Variants in NRG1 observed in about 807,000 individuals in gnomAD.
NRG1 encodes the protein pro-neuregulin-1, membrane-bound isoform.
In NRG1, 18 loss-of-function variants were observed where a neutral mutation model predicts 63.8. That is an observed-to-expected ratio of 0.28 (90% CI 0.19 to 0.42). The LOEUF (loss-of-function observed/expected upper bound fraction) is 0.42, where lower values mean the gene tolerates loss of function less well. NRG1 is among the 10% of genes least tolerant of loss of function. The pLI is 1.00. For missense variants in NRG1, 762 were observed against 814.7 expected (o/e 0.94, Z 0.79); for synonymous variants, 302 against 301.3 (o/e 1.00, Z -0.02).
At chr8:32,058,900 C>T (rs1273751755) in intron 1 of NRG1, among the ~76,000 whole-genome samples, 1 of 152,038 alleles carries the variant, frequency 6.6e-6, no homozygotes, top group African/African-American at 2.4e-5. Context: ...CTACTTCTGT[C>T]AATCACTCTT....
At chr8:31,647,631 G>A (rs1248329793) in intron 1 of NRG1, among the ~76,000 whole-genome samples, 1 of 152,176 alleles carries the variant, frequency 6.6e-6, no homozygotes, top group Non-Finnish European at 1.5e-5. Context: ...TGGTTGCCAG[G>A]ATGGAGAGGT....
intron 1 of NRG1, among the ~76,000 whole-genome samples, chr8:31,696,903 A>G (rs1810124423): frequency 6.6e-6 from 1 of 152,182 alleles, no homozygotes; most frequent in South Asian, 2.1e-4. Flanking sequence ...AGTCTTATAT[A>G]TGCTACACTT....
chr8:32,536,315 G>T (rs1228684016), intron 1 of NRG1, among the ~76,000 whole-genome samples: 1 of 152,068 alleles, frequency 6.6e-6, no homozygotes, highest in Non-Finnish European at 1.5e-5. Flanking sequence ...GTCAGCCAGG[G>T]GCAGCTCCAA....
chr8:32,190,664 A>T (rs575972726), intron 1 of NRG1, among the ~76,000 whole-genome samples: 1 of 152,308 alleles, frequency 6.6e-6, no homozygotes, highest in East Asian at 1.9e-4. Context: ...AGGCTTCCTG[A>T]TAATCCTTAT....
At chr8:32,655,785 A>T (rs1216700322) in intron 5 of NRG1, among the ~76,000 whole-genome samples, 1 of 152,184 alleles carries the variant, frequency 6.6e-6, no homozygotes, top group Non-Finnish European at 1.5e-5. Flanking sequence ...AGGGAAAGCG[A>T]TAAGGAGTTA....
intron 1 of NRG1, among the ~76,000 whole-genome samples, chr8:32,017,809 C>A (rs959617712): frequency 6.6e-6 from 1 of 152,210 alleles, no homozygotes; most frequent in African/African-American, 2.4e-5. Context: ...GGCTCTCCAG[C>A]AGTTGTCTGA....
chr8:32,072,813 A>G (rs372239946), intron 1 of NRG1, among the ~76,000 whole-genome samples: 11 of 152,290 alleles, frequency 7.2e-5, no homozygotes, highest in African/African-American at 2.6e-4. Context: ...ACTGTTGACA[A>G]TAATGGCACA....
chr8:32,555,853 C>A (rs1489035439), intron 1 of NRG1, among the ~76,000 whole-genome samples: 1 of 152,224 alleles, frequency 6.6e-6, no homozygotes, highest in Non-Finnish European at 1.5e-5. Flanking sequence ...TACTTGTTAT[C>A]TTTGACATGA....
chr8:31,754,022 C>T (rs935862755), intron 1 of NRG1, among the ~76,000 whole-genome samples: 10 of 152,110 alleles, frequency 6.6e-5, no homozygotes, highest in African/African-American at 2.4e-4. Context: ...ATGTTGTTCA[C>T]ATCTGCCTCA....
chr8:31,856,606 C>T (rs1827899655), intron 1 of NRG1, among the ~76,000 whole-genome samples: 2 of 152,332 alleles, frequency 1.3e-5, no homozygotes, highest in East Asian at 3.9e-4. Context: ...GCCTTCTTCT[C>T]TCCGCTCGTC....
intron 1 of NRG1, among the ~76,000 whole-genome samples, chr8:31,930,696 C>G (rs536539782): frequency 1.3e-5 from 2 of 152,098 alleles, no homozygotes; most frequent in African/African-American, 4.8e-5. Flanking sequence ...TGCTATGTAA[C>G]CTTTTATAAT....
At chr8:32,483,055 C>A (rs972768883) in intron 1 of NRG1, among the ~76,000 whole-genome samples, 4 of 152,260 alleles carry the variant, frequency 2.6e-5, no homozygotes, top group African/African-American at 9.6e-5. Context: ...ATGTTACACA[C>A]TCAATTCATG....
At chr8:32,754,349 C>T (rs774692790) in intron 7 of NRG1, 23 bp from the exon 8 acceptor site, 10 of 1,606,600 alleles carry the variant, frequency 6.2e-6, no homozygotes, top group Non-Finnish European at 6.0e-6. Context: ...CCTGTGATGA[C>T]ATCTGCTCTC....
In NRG1 at chr8:32,395,166, A is replaced by C. The variant is rs144246318; in HGVS notation, c.38-200662A>C. Among the ~76,000 whole-genome samples the C allele has an allele frequency of 2.0e-5, 3 of 152,288 alleles. No individual in the cohort carries two copies. In the East Asian group the frequency reaches 5.8e-4, roughly 29 times the overall value. ...AGTACTATGTGGATAATGCAGCCTG[A>C]GTGAGCTTATGAGCTAATGCAGGGA... On this transcript the variant is annotated intron_variant, in intron 1 of 10. Transcript: ENST00000519301.
chr8:32,699,373 G>C (rs1451997636), intron 5 of NRG1, among the ~76,000 whole-genome samples: 1 of 152,158 alleles, frequency 6.6e-6, no homozygotes, highest in African/African-American at 2.4e-5. Context: ...CAGTAAATTA[G>C]AGCAGTTGTC....
intron 1 of NRG1, among the ~76,000 whole-genome samples, chr8:31,857,861 A>G (rs1407426848): frequency 6.6e-6 from 1 of 152,228 alleles, no homozygotes; most frequent in African/African-American, 2.4e-5. Context: ...AATTTGGCCC[A>G]GGAACTAACG....
At chr8:32,040,085 C>T (rs889228667) in intron 1 of NRG1, among the ~76,000 whole-genome samples, 2 of 152,084 alleles carry the variant, frequency 1.3e-5, no homozygotes, top group African/African-American at 4.8e-5. Flanking sequence ...GACTTTATTC[C>T]AGTGCTTACC....
At chr8:31,858,421 A>G (rs1473870889) in intron 1 of NRG1, among the ~76,000 whole-genome samples, 1 of 152,194 alleles carries the variant, frequency 6.6e-6, no homozygotes, top group Non-Finnish European at 1.5e-5. Context: ...ATGAGCTGAG[A>G]GAAAATTAAA....
intron 1 of NRG1, among the ~76,000 whole-genome samples, chr8:32,259,447 C>T (rs1850117354): frequency 6.6e-6 from 1 of 152,172 alleles, no homozygotes; most frequent in African/African-American, 2.4e-5. Context: ...CATCCTTCCA[C>T]CTTCTGCCAT....
Sources: gnomAD v4.1 joint callset for allele counts (sites outside exome capture counted in the v4.1 genomes callset) on GRCh38, gnomAD v4.1.1 for gene constraint, MANE v1.5 for transcripts, NCBI Gene and HGNC (gene_info 2026-07-23, HGNC 2026-07-21) for gene names.